MACF1: variants seen among roughly 807,000 people sequenced by gnomAD.
The protein encoded by MACF1 is microtubule-actin cross-linking factor 1.
A neutral mutation model predicts 854.8 loss-of-function variants in MACF1; 193 were observed. That is an observed-to-expected ratio of 0.23 (90% CI 0.20 to 0.25). The LOEUF (loss-of-function observed/expected upper bound fraction) is 0.25. Ranked by LOEUF, MACF1 falls within the 10% of genes least tolerant of loss-of-function variation. The probability of loss-of-function intolerance (pLI) is 1.00; values close to 1 mark genes in which losing one functional copy is unlikely to be tolerated. For missense variants in MACF1, 7,722 were observed against 8,929.1 expected, an observed-to-expected ratio of 0.86 and a Z score of 5.45; for synonymous variants, 3,185 against 3,226.7, an observed-to-expected ratio of 0.99 and a Z score of 0.44.
intron 2 of MACF1, among the ~76,000 whole-genome samples, chr1:39,158,952 A>C (rs976361625): frequency 2.0e-5 from 3 of 152,128 alleles, no homozygotes; most frequent in Admixed American, 2.0e-4. Flanking sequence ...CAGTGAACCA[A>C]CTCAACTGGG....
At position 39,159,638 on chromosome 1, in the gene MACF1, G is replaced by T. The variant is rs186000852; in HGVS notation, c.221-71544G>T. Among the ~76,000 whole-genome samples the T allele has an allele frequency of 1.5e-3, 236 of 152,300 alleles. 1 individual carries two copies. The highest frequency in any genetic ancestry group is 5.4e-3 in the African/African-American group (224 of 41,564). Reference sequence around the variant, plus strand: ...GGCAAATTCTTCACTGACCAGACATGAGAAGAATGTACTCAGATGTGATGT... The same window carrying T: ...GGCAAATTCTTCACTGACCAGACATTAGAAGAATGTACTCAGATGTGATGT... On this transcript the variant is annotated intron_variant, in intron 2 of 93. Transcript: ENST00000361689.
Position 39,340,551 on chromosome 1 carries a change from T to G in MACF1, c.10265T>G (p.Leu3422Arg), listed in dbSNP as rs562612414. 2.7e-5 allele frequency: 43 copies of G among 1,614,066 alleles called. No homozygotes were observed. The South Asian group carries it at 4.6e-4, about 17-fold the overall frequency. Residue 3422 changes from leucine (L) to arginine (R), a missense_variant, in exon 39 of 101, where the codon CTG (leucine) becomes CGG (arginine). By Grantham distance (102) the Leu-to-Arg change is moderately radical. Around this residue, in one of 15 missense-constraint regions of MACF1, gnomAD observed 854 missense variants for 852.6 expected, o/e 1.00. Transcript: ENST00000564288. ...KDLTTLVSQE[L>R]ECVNQIIISQ... is the part of the protein sequence containing the mutation. ...CTGACCACCTTGGTCAGTCAGGAGCTGGAGTGTGTGAATCAGATTATCATC... is the reference window on the plus strand; with the variant it reads ...CTGACCACCTTGGTCAGTCAGGAGCGGGAGTGTGTGAATCAGATTATCATC...
chr1:39,101,751 G>A (rs1481841989), intron 2 of MACF1, among the ~76,000 whole-genome samples: 6 of 150,584 alleles, frequency 4.0e-5, no homozygotes, highest in Non-Finnish European at 7.4e-5. Flanking sequence ...GTGAACCCGG[G>A]AGGTGGAGGT....
intron 80 of MACF1, among the ~76,000 whole-genome samples, chr1:39,446,378 A>G (rs1644231510): frequency 6.6e-6 from 1 of 151,900 alleles, no homozygotes; most frequent in Non-Finnish European, 1.5e-5. Context: ...CCTATCATCT[A>G]GGAACTTGTA....
chr1:39,177,582 T>C (rs1293926541), intron 2 of MACF1, among the ~76,000 whole-genome samples: 1 of 152,064 alleles, frequency 6.6e-6, no homozygotes, highest in Non-Finnish European at 1.5e-5. Flanking sequence ...TTATTGCTAA[T>C]GGAGAGAGGG....
chr1:39,087,678 A>C (rs904390426), intron 2 of MACF1, among the ~76,000 whole-genome samples: 1 of 152,328 alleles, frequency 6.6e-6, no homozygotes, highest in Non-Finnish European at 1.5e-5. Flanking sequence ...GTTAGGCAGG[A>C]CATATGTTAG....
At chr1:39,415,793 G>A (rs995289321) in intron 58 of MACF1, among the ~76,000 whole-genome samples, 3 of 152,164 alleles carry the variant, frequency 2.0e-5, no homozygotes, top group African/African-American at 7.2e-5. Context: ...ACCCAGGTTT[G>A]ATTTGGTCAG....
chr1:39,324,521 C>T, intron 34 of MACF1, 125 bp from the exon 35 acceptor site: 1 of 1,031,072 alleles, frequency 9.7e-7, no homozygotes, highest in Non-Finnish European at 1.4e-6. Context: ...AGCTGTAGCT[C>T]ATTGGTGATA....
chr1:39,234,549 A>ACCCC (rs1211443294), intron 2 of MACF1, among the ~76,000 whole-genome samples: 1 of 60,710 alleles, frequency 1.6e-5, no homozygotes, highest in Non-Finnish European at 3.2e-5. Context: ...CGGGGGGCTG[A>ACCCC]CCCCCCCACC....
At chr1:39,413,929 G>A (rs751034221) in intron 58 of MACF1, 3 of 1,605,314 alleles carry the variant, frequency 1.9e-6, no homozygotes, top group South Asian at 2.2e-5. Context: ...GGCAGCTTCA[G>A]TGCCCACCTC....
intron 38 of MACF1, 32 bp from the exon 39 acceptor site, chr1:39,340,469 GC>G (rs1459670325): frequency 6.6e-7 from 1 of 1,518,232 alleles, no homozygotes; most frequent in Non-Finnish European, 9.1e-7. Context: ...TTCTAGTCTT[GC>G]TTTTATAGGT....
chr1:39,324,989 G>A (rs151307211), intron 35 of MACF1, among the ~76,000 whole-genome samples: 35 of 152,338 alleles, frequency 2.3e-4, no homozygotes, highest in African/African-American at 8.4e-4. Flanking sequence ...GGTGAGAATA[G>A]AGGCTGAGAG....
At chr1:39,250,254 A>G (rs1216073182) in intron 3 of MACF1, 151 bp downstream of exon 3, 1 of 468,618 alleles carries the variant, frequency 2.1e-6, no homozygotes, top group East Asian at 3.1e-5. Flanking sequence ...CTTTATTTCT[A>G]ACTCAGACTT....
chr1:39,268,408 G>A, intron 6 of MACF1: 1 of 1,022,092 alleles, frequency 9.8e-7, no homozygotes, highest in Non-Finnish European at 1.2e-6. Flanking sequence ...AGAGGAAGCT[G>A]CAGCCAATCC....
intron 1 of MACF1, among the ~76,000 whole-genome samples, chr1:39,222,806 T>C (rs1644669068): frequency 6.6e-6 from 1 of 152,220 alleles, no homozygotes; most frequent in Non-Finnish European, 1.5e-5. Flanking sequence ...GGTTGGTGTT[T>C]CTGGGCTTCT....
chr1:39,459,954 C>A, intron 91 of MACF1: 1 of 622,846 alleles, frequency 1.6e-6, no homozygotes, highest in Non-Finnish European at 2.5e-6. Context: ...CAAGGGGAAA[C>A]TGCTGCACTC....
At chr1:39,325,150 T>C (rs1646585800) in intron 35 of MACF1, among the ~76,000 whole-genome samples, 1 of 152,248 alleles carries the variant, frequency 6.6e-6, no homozygotes, top group African/African-American at 2.4e-5. Context: ...ATTTGAATTA[T>C]CAGTGTATTA....
At chr1:39,456,841 T>G (rs1013341848) in intron 89 of MACF1, 1 of 152,268 alleles carries the variant, frequency 6.6e-6, no homozygotes, top group Non-Finnish European at 1.5e-5. Context: ...CACATTCTAC[T>G]GGCTAAATCC....
intron 58 of MACF1, among the ~76,000 whole-genome samples, chr1:39,418,040 T>G (rs1246520860): frequency 6.6e-6 from 1 of 152,128 alleles, no homozygotes; most frequent in East Asian, 1.9e-4. Context: ...AGTTAGAAAT[T>G]TTGGCAAATT....
Sources: allele counts gnomAD v4.1 joint callset (sites outside exome capture counted in the v4.1 genomes callset), GRCh38; gene constraint gnomAD v4.1.1; regional missense constraint gnomAD v4.1.1; transcripts MANE v1.5; gene names NCBI Gene and HGNC (gene_info 2026-07-23, HGNC 2026-07-21).